The following PCDH15 variants were observed in gnomAD, a reference collection of about 807,000 sequenced individuals.
The protein encoded by PCDH15 is protocadherin related 15, also known as protocadherin-15.
Under a neutral mutation model 178.5 loss-of-function variants are expected in PCDH15, and 129 were observed. The observed-to-expected ratio is 0.72, with a 90% CI of 0.63 to 0.84. PCDH15 has a LOEUF of 0.84. Among genes scored for constraint, PCDH15 ranks in the 40% least tolerant of loss-of-function variants. The pLI, the probability that PCDH15 is intolerant of heterozygous loss-of-function variation, is 0.00. For missense variants in PCDH15, 2,230 were observed against 2,099.9 expected (o/e 1.06, Z -1.21); for synonymous variants, 800 against 732.0 (o/e 1.09, Z -1.50).
intron 2 of PCDH15, among the ~76,000 whole-genome samples, chr10:54,559,657 C>T (rs934965134): frequency 6.6e-6 from 1 of 151,762 alleles, no homozygotes; most frequent in African/African-American, 2.4e-5. Context: ...TTTGTTCCCA[C>T]AATAAATTCC....
intron 1 of PCDH15, among the ~76,000 whole-genome samples, chr10:54,734,796 A>T (rs1328008478): frequency 1.3e-5 from 2 of 152,010 alleles, no homozygotes; most frequent in South Asian, 2.1e-4. Flanking sequence ...AACTGAAAAA[A>T]GTCAGATTCA....
chr10:54,392,286 G>GA (rs1247523994), intron 3 of PCDH15, among the ~76,000 whole-genome samples: 1 of 88 alleles, frequency 0.011, no homozygotes, highest in Non-Finnish European at 0.028. Flanking sequence ...TCAACATGGC[G>GA]AAACCCATCT....
At chr10:55,538,892 TTC>T (rs1841684283) in intron 2 of PCDH15, among the ~76,000 whole-genome samples, 7 of 55,474 alleles carry the variant, frequency 1.3e-4, no homozygotes, top group East Asian at 1.7e-3. Context: ...CTTCCTTCCT[TTC>T]CTTCCTTCCT....
chr10:54,340,559 G>A (rs1159038581), intron 6 of PCDH15, among the ~76,000 whole-genome samples: 1 of 152,166 alleles, frequency 6.6e-6, no homozygotes, highest in African/African-American at 2.4e-5. Flanking sequence ...AGGGGAAGAA[G>A]TAAGTTTAAG....
chr10:55,270,624 T>TA (rs1223986789), intron 1 of PCDH15, among the ~76,000 whole-genome samples: 2 of 148,540 alleles, frequency 1.3e-5, no homozygotes, highest in South Asian at 4.3e-4. Flanking sequence ...TGGCTATTGT[T>TA]AAAAAAATAA....
At chr10:54,988,838 G>C (rs934855627) in intron 2 of PCDH15, among the ~76,000 whole-genome samples, 1 of 152,186 alleles carries the variant, frequency 6.6e-6, no homozygotes, top group African/African-American at 2.4e-5. Flanking sequence ...ATTTGCGTAA[G>C]TAACAAGGAG....
In PCDH15 at chr10:54,444,644, GCTTGTC is replaced by G. The variant is rs2136207570; in HGVS notation, c.158-65708_158-65703del. On this transcript the variant is annotated intron_variant, in intron 3 of 37. Coordinates refer to ENST00000644397, the MANE Select transcript of PCDH15 (RefSeq NM_001384140.1). ...AAAACACTCATAAACTAGCACAGAA[GCTTGTC>G]ATATCATTACACATTTATCCATTGC... Among the ~76,000 whole-genome samples, 3 of 151,734 alleles carry G rather than the reference GCTTGTC, an allele frequency of 2.0e-5. No individual in the cohort carries two copies. In the East Asian group the frequency reaches 5.8e-4, roughly 29 times the overall value.
intron 1 of PCDH15, among the ~76,000 whole-genome samples, chr10:55,174,151 GCTTA>G (rs993608486): frequency 3.4e-4 from 51 of 152,148 alleles, no homozygotes; most frequent in Non-Finnish European, 4.0e-4. Context: ...ATTGATAAAT[GCTTA>G]CTTTTCTTTT....
chr10:55,344,409 G>T (rs575451076), intron 2 of PCDH15, among the ~76,000 whole-genome samples: 43 of 152,128 alleles, frequency 2.8e-4, no homozygotes, highest in African/African-American at 9.6e-4. Context: ...AGATAAATTA[G>T]GAGTTTATTG....
chr10:55,547,897 C>CTGTGTG (rs377033615), intron 2 of PCDH15, among the ~76,000 whole-genome samples: 4,574 of 100,946 alleles, frequency 0.045, 621 homozygotes, highest in African/African-American at 0.078. Context: ...GTGTGTGTGT[C>CTGTGTG]TGTGTGTGTG....
In PCDH15 at chr10:53,957,717, G is replaced by A. The variant is rs138715963; in HGVS notation, c.3122+2015C>T. ...ATATTTTCTGACCACGGTTGACCTC[G>A]GGCAACAAACTGTGAAAAATGATAC... On this transcript the variant is annotated intron_variant, in intron 23 of 37. Transcript: ENST00000644397. Among the ~76,000 whole-genome samples, 246 of 151,954 alleles carry A rather than the reference G, an allele frequency of 1.6e-3. 3 individuals are homozygous for A. The highest frequency in any genetic ancestry group is 9.3e-3 in the East Asian group (48 of 5,170).
At chr10:53,965,546 A>C (rs1169714929) in intron 21 of PCDH15, among the ~76,000 whole-genome samples, 1 of 152,190 alleles carries the variant, frequency 6.6e-6, no homozygotes, top group Non-Finnish European at 1.5e-5. Flanking sequence ...TTTACCAGGA[A>C]AATAAGGTGG....
In PCDH15 at chr10:55,212,962, G is replaced by A. The variant is rs1054213598; in HGVS notation, c.-155-46311C>T. 5.9e-5 allele frequency among the ~76,000 whole-genome samples: 9 copies of A among 152,024 alleles called. 1 individual carries two copies. The highest frequency in any genetic ancestry group is 1.0e-4 in the Non-Finnish European group (7 of 68,026). On this transcript the variant is annotated intron_variant, in intron 1 of 5. Transcript: ENST00000458638. ...ATTACAGCATGTATTCTTATTATAA[G>A]GTAGAACAGCAGAGCTCAACATTAC...
At chr10:55,436,140 C>T (rs1375097326) in intron 2 of PCDH15, among the ~76,000 whole-genome samples, 1 of 151,960 alleles carries the variant, frequency 6.6e-6, no homozygotes, top group Admixed American at 6.6e-5. Flanking sequence ...TAACATATAT[C>T]CAACCTAGTT....
At chr10:55,527,432 C>G in intron 2 of PCDH15, among the ~76,000 whole-genome samples, 1 of 151,834 alleles carries the variant, frequency 6.6e-6, no homozygotes, top group South Asian at 2.1e-4. Context: ...CAAAGTACTC[C>G]TTTTTTAAAA....
At chr10:54,247,965 T>TATATATATAA (rs1219174871) in intron 8 of PCDH15, among the ~76,000 whole-genome samples, 37 of 140,804 alleles carry the variant, frequency 2.6e-4, no homozygotes, top group African/African-American at 9.4e-4. Context: ...TATATACACA[T>TATATATATAA]ACAGTAAATG....
chr10:54,311,880 A>G (rs2060934659), intron 8 of PCDH15, among the ~76,000 whole-genome samples: 1 of 152,166 alleles, frequency 6.6e-6, no homozygotes, highest in Admixed American at 6.6e-5. Flanking sequence ...ATCATAGTTC[A>G]TGAGATAAAT....
intron 1 of PCDH15, among the ~76,000 whole-genome samples, chr10:55,317,761 G>A (rs11004805): frequency 2.6e-5 from 4 of 151,418 alleles, no homozygotes; most frequent in South Asian, 2.1e-4. Context: ...TGATACAAGC[G>A]AAAAAGGTAA....
intron 2 of PCDH15, among the ~76,000 whole-genome samples, chr10:55,472,729 C>G (rs922213853): frequency 2.0e-5 from 3 of 152,018 alleles, no homozygotes; most frequent in African/African-American, 7.2e-5. Flanking sequence ...CCACCACGCC[C>G]GGCTAATTTT....
Sources: allele counts gnomAD v4.1 joint callset (sites outside exome capture counted in the v4.1 genomes callset), GRCh38; gene constraint gnomAD v4.1.1; transcripts MANE v1.5; gene names NCBI Gene and HGNC (gene_info 2026-07-23, HGNC 2026-07-21).